SPEF2: variants seen among roughly 807,000 people sequenced by gnomAD.
SPEF2 encodes the protein sperm flagellar and cilia associated 2.
SPEF2 carries 187 observed loss-of-function variants against 224.6 expected under a neutral mutation model. That is an observed-to-expected ratio of 0.83 (90% CI 0.74 to 0.94). The LOEUF is 0.94. Among genes scored for constraint, SPEF2 ranks in the 40% least tolerant of loss-of-function variants. The probability of loss-of-function intolerance (pLI) is 0.00; values close to 1 mark genes in which losing one functional copy is unlikely to be tolerated. For synonymous variants in SPEF2, 715 were observed against 707.3 expected (o/e 1.01, Z -0.17); for missense variants, 2,170 against 2,135.6 (o/e 1.02, Z -0.32).
chr5:35,620,797 A>G (rs1331094211), intron 1 of SPEF2, among the ~76,000 whole-genome samples: 2 of 152,222 alleles, frequency 1.3e-5, no homozygotes, highest in Admixed American at 6.5e-5. Flanking sequence ...TGTGACTAGT[A>G]TAATTATATA....
intron 6 of SPEF2, among the ~76,000 whole-genome samples, chr5:35,651,327 C>G (rs1052969269): frequency 2.6e-5 from 4 of 152,126 alleles, no homozygotes; most frequent in Admixed American, 6.5e-5. Context: ...TTCACAGAAG[C>G]CTTCACTTGG....
intron 21 of SPEF2, among the ~76,000 whole-genome samples, chr5:35,734,627 G>A (rs1196442032): frequency 5.9e-5 from 9 of 151,488 alleles, no homozygotes; most frequent in Non-Finnish European, 1.2e-4. Flanking sequence ...GCTTAATGAA[G>A]AGGCCTTTCC....
At chr5:35,620,246 G>A (rs1743317890) in intron 1 of SPEF2, among the ~76,000 whole-genome samples, 1 of 152,156 alleles carries the variant, frequency 6.6e-6, no homozygotes, top group South Asian at 2.1e-4. Flanking sequence ...GAAGGCTTTG[G>A]ATGGTTTGTA....
chr5:35,787,622 T>G (rs1241512283), intron 30 of SPEF2, among the ~76,000 whole-genome samples: 1 of 152,204 alleles, frequency 6.6e-6, no homozygotes, highest in East Asian at 1.9e-4. Context: ...TGCACCAGCT[T>G]TCTTATCCAT....
intron 20 of SPEF2, among the ~76,000 whole-genome samples, chr5:35,720,423 GTTTT>G (rs1441226946): frequency 6.6e-6 from 1 of 152,098 alleles, no homozygotes; most frequent in Non-Finnish European, 1.5e-5. Context: ...AGTCCTGTAT[GTTTT>G]TTTATTCCAG....
intron 34 of SPEF2, among the ~76,000 whole-genome samples, chr5:35,801,033 G>A (rs1757348861): frequency 6.6e-6 from 1 of 152,230 alleles, no homozygotes; most frequent in Non-Finnish European, 1.5e-5. Context: ...CATGTGGACA[G>A]AAAGATCTCC....
Position 35,715,826 on chromosome 5 carries a change from T to TTTG in SPEF2, c.2914+2942_2914+2943insGTT, listed in dbSNP as rs1561251316. 1.9e-3 allele frequency among the ~76,000 whole-genome samples: 276 copies of TTTG among 146,270 alleles called. 5 individuals carry two copies. The highest frequency in any genetic ancestry group is 6.6e-3 in the African/African-American group (264 of 39,906). On this transcript the variant is annotated intron_variant, in intron 20 of 36. Coordinates refer to ENST00000356031, the MANE Select transcript of SPEF2 (RefSeq NM_024867.4). ...AGGGGGATATAATTTCTTTTTTTTT[T>TTTG]TTTTTTTGAGACAGAGTCTTGCTCT...
chr5:35,725,240 C>A (rs1309888318), intron 20 of SPEF2, among the ~76,000 whole-genome samples: 1 of 152,172 alleles, frequency 6.6e-6, no homozygotes, highest in Admixed American at 6.5e-5. Flanking sequence ...GTTGGCAGCC[C>A]AGGCAGCCAT....
At chr5:35,786,397 C>T (rs1048370913) in intron 30 of SPEF2, among the ~76,000 whole-genome samples, 4 of 152,050 alleles carry the variant, frequency 2.6e-5, no homozygotes, top group African/African-American at 4.8e-5. Context: ...TGGTGGCTCA[C>T]GCCAGTAATC....
intron 28 of SPEF2, among the ~76,000 whole-genome samples, chr5:35,774,672 A>T (rs1175755881): frequency 6.6e-6 from 1 of 152,224 alleles, no homozygotes; most frequent in African/African-American, 2.4e-5. Flanking sequence ...AGGGAAAAAA[A>T]CACGGTCAAT....
intron 1 of SPEF2, among the ~76,000 whole-genome samples, chr5:35,619,878 T>C (rs1743256691): frequency 9.1e-6 from 1 of 109,868 alleles, no homozygotes; most frequent in African/African-American, 5.6e-5. Flanking sequence ...AGGATAAACA[T>C]AAAAGGGCTG....
intron 26 of SPEF2, among the ~76,000 whole-genome samples, chr5:35,769,993 G>A (rs7729528): frequency 0.019 from 727 of 37,628 alleles, 7 homozygotes; most frequent in African/African-American, 0.1. Context: ...TCCATAATGT[G>A]TGTGTGTGTG....
At chr5:35,684,670 G>A (rs1394079570) in intron 10 of SPEF2, among the ~76,000 whole-genome samples, 3 of 152,138 alleles carry the variant, frequency 2.0e-5, no homozygotes, top group Non-Finnish European at 4.4e-5. Flanking sequence ...CAACAATCTG[G>A]TGAAATACAT....
chr5:35,805,935 A>T (rs1757993643), intron 34 of SPEF2, among the ~76,000 whole-genome samples: 1 of 152,040 alleles, frequency 6.6e-6, no homozygotes, highest in Non-Finnish European at 1.5e-5. Context: ...AGTTTATTTT[A>T]CCATTCCCCC....
chr5:35,704,405 A>G, intron 16 of SPEF2, 149 bp from the exon 17 acceptor site: 1 of 532,578 alleles, frequency 1.9e-6, no homozygotes, highest in Non-Finnish European at 3.3e-6. Flanking sequence ...TCAAAACTAT[A>G]CTCTTTCAAC....
In SPEF2 at chr5:35,671,881, C is replaced by T. The variant is rs142255998; in HGVS notation, c.1524+1654C>T. Among the ~76,000 whole-genome samples the T allele has an allele frequency of 7.9e-3, 1,195 of 151,662 alleles. 11 individuals are homozygous for T. Among genetic ancestry groups the T allele is most frequent in the Non-Finnish European group, 0.011 (775 of 67,878 alleles). ...GCTGTTTTTCTAGAAATGAAAATTA[C>T]CTTAGGATTTATAATATGTTTTCAC... On this transcript the variant is annotated intron_variant, in intron 10 of 36. Coordinates refer to ENST00000356031, the MANE Select transcript of SPEF2 (RefSeq NM_024867.4).
At chr5:35,654,213 T>C (rs1748630383) in intron 6 of SPEF2, among the ~76,000 whole-genome samples, 1 of 149,460 alleles carries the variant, frequency 6.7e-6, no homozygotes, top group African/African-American at 2.5e-5. Context: ...TGAGCCAAGA[T>C]GCGCCATTGC....
chr5:35,796,964 A>G (rs1167319110), intron 33 of SPEF2, among the ~76,000 whole-genome samples: 2 of 152,106 alleles, frequency 1.3e-5, no homozygotes, highest in African/African-American at 4.8e-5. Context: ...GGGACTGAAA[A>G]CCAATTATCC....
intron 23 of SPEF2, among the ~76,000 whole-genome samples, chr5:35,749,095 G>C (rs1749013942): frequency 6.6e-6 from 1 of 151,746 alleles, no homozygotes; most frequent in Non-Finnish European, 1.5e-5. Flanking sequence ...GTGATCAATA[G>C]ATGCAGAAAA....
Sources: allele counts gnomAD v4.1 joint callset (sites outside exome capture counted in the v4.1 genomes callset), GRCh38; gene constraint gnomAD v4.1.1; transcripts MANE v1.5; gene names NCBI Gene and HGNC (gene_info 2026-07-23, HGNC 2026-07-21).